The following PCDH15 variants were observed in gnomAD, a reference collection of about 807,000 sequenced individuals.
PCDH15 encodes protocadherin-15.
In PCDH15, 129 loss-of-function variants were observed where a neutral mutation model predicts 178.5. The observed-to-expected ratio is 0.72, with a 90% CI of 0.63 to 0.84. The LOEUF (loss-of-function observed/expected upper bound fraction) is 0.84. Ranked by LOEUF, PCDH15 falls within the 40% of genes least tolerant of loss-of-function variation. The pLI is 0.00. For synonymous variants in PCDH15, 800 were observed against 732.0 expected, an observed-to-expected ratio of 1.09 and a Z score of -1.50; for missense variants, 2,230 against 2,099.9, an observed-to-expected ratio of 1.06 and a Z score of -1.21.
rs138570391 is a variant in PCDH15, at chr10:55,276,917, C to G, written c.-156+42682G>C. Among the ~76,000 whole-genome samples, 571 of 152,102 alleles carry G rather than the reference C, an allele frequency of 3.8e-3. 3 individuals are homozygous for G. The highest frequency in any genetic ancestry group is 0.017 in the Middle Eastern group (5 of 294). On this transcript the variant is annotated intron_variant, in intron 1 of 5. Coordinates refer to the PCDH15 transcript ENST00000458638. The stretch of plus-strand genomic sequence containing the variant: ...TCCAATGAACTCAGGGCTCTCAAAG[C>G]AGAGGATAAAGCTTTCCAGGTTTTG...
intron 1 of PCDH15, among the ~76,000 whole-genome samples, chr10:55,260,945 A>G (rs1842133240): frequency 6.6e-6 from 1 of 152,196 alleles, no homozygotes; most frequent in Admixed American, 6.5e-5. Flanking sequence ...TATAATGAAC[A>G]GATTCATGGT....
chr10:54,957,203 A>T (rs1838511813), intron 2 of PCDH15, among the ~76,000 whole-genome samples: 1 of 151,642 alleles, frequency 6.6e-6, no homozygotes, highest in Admixed American at 6.6e-5. Context: ...AAACTAAAGT[A>T]TATGAATTGT....
At chr10:53,824,541 G>GAGAA (rs1456505816) in intron 32 of PCDH15, among the ~76,000 whole-genome samples, 3 of 152,118 alleles carry the variant, frequency 2.0e-5, no homozygotes, top group African/African-American at 7.2e-5. Context: ...CTATAAGAAA[G>GAGAA]AGAAAGAAAC....
chr10:55,332,656 C>T (rs532719123), intron 2 of PCDH15, among the ~76,000 whole-genome samples: 1 of 152,084 alleles, frequency 6.6e-6, no homozygotes. Context: ...GTGAAAGGGA[C>T]CCAGTGGGAG....
chr10:54,279,448 A>G (rs1687538646), intron 8 of PCDH15, among the ~76,000 whole-genome samples: 1 of 151,624 alleles, frequency 6.6e-6, no homozygotes, highest in African/African-American at 2.4e-5. Flanking sequence ...GAAACTCACA[A>G]CTTCAAAAAA....
At chr10:55,275,101 C>T (rs1483180801) in intron 1 of PCDH15, among the ~76,000 whole-genome samples, 1 of 152,004 alleles carries the variant, frequency 6.6e-6, no homozygotes, top group East Asian at 1.9e-4. Context: ...TGATCTTTCA[C>T]CATTCTAACA....
At chr10:53,836,193 G>A (rs1228391696) in intron 29 of PCDH15, among the ~76,000 whole-genome samples, 2 of 152,098 alleles carry the variant, frequency 1.3e-5, no homozygotes, top group Non-Finnish European at 2.9e-5. Context: ...TTGAGAAGGG[G>A]CAGAAAATTC....
At chr10:54,936,088 G>T (rs559910943) in intron 2 of PCDH15, among the ~76,000 whole-genome samples, 2 of 151,948 alleles carry the variant, frequency 1.3e-5, no homozygotes, top group East Asian at 3.9e-4. Context: ...ATTGACTTTG[G>T]GTCTCTATAG....
intron 1 of PCDH15, among the ~76,000 whole-genome samples, chr10:54,779,515 TATATATATATACACACAC>T (rs1454263851): frequency 7.1e-6 from 1 of 141,124 alleles, no homozygotes; most frequent in Non-Finnish European, 1.5e-5. Context: ...TATATGTGTG[TATATATATATACACACAC>T]ATATATATAG....
chr10:55,337,093 A>G (rs1435343014), intron 2 of PCDH15, among the ~76,000 whole-genome samples: 1 of 152,202 alleles, frequency 6.6e-6, no homozygotes, highest in Non-Finnish European at 1.5e-5. Context: ...CAGAAAGTAT[A>G]AGGAGTTTTA....
At chr10:55,448,479 T>C (rs1839365224) in intron 2 of PCDH15, among the ~76,000 whole-genome samples, 1 of 151,990 alleles carries the variant, frequency 6.6e-6, no homozygotes, top group African/African-American at 2.4e-5. Flanking sequence ...TATAAAAATA[T>C]GGGGCCCGTG....
chr10:54,845,795 G>A (rs1052115259), intron 3 of PCDH15, among the ~76,000 whole-genome samples: 3 of 152,038 alleles, frequency 2.0e-5, no homozygotes, highest in Non-Finnish European at 4.4e-5. Context: ...ATGTAAAGAT[G>A]TTCACTGTCT....
At chr10:55,200,093 T>A (rs1368921288) in intron 1 of PCDH15, among the ~76,000 whole-genome samples, 1 of 152,028 alleles carries the variant, frequency 6.6e-6, no homozygotes, top group Non-Finnish European at 1.5e-5. Context: ...AGGGCTACCA[T>A]CCTCTAGACT....
intron 3 of PCDH15, among the ~76,000 whole-genome samples, chr10:54,381,618 C>T (rs1279845202): frequency 1.3e-5 from 2 of 152,026 alleles, no homozygotes; most frequent in Non-Finnish European, 2.9e-5. Flanking sequence ...CTGGATGGCT[C>T]TATTAATGTC....
chr10:54,756,263 AG>A (rs1177595641), intron 1 of PCDH15, among the ~76,000 whole-genome samples: 2 of 152,088 alleles, frequency 1.3e-5, no homozygotes, highest in Non-Finnish European at 2.9e-5. Context: ...AAAATAAAAA[AG>A]TAAAAAATAA....
chr10:54,735,983 A>T (rs1282313142), intron 1 of PCDH15, among the ~76,000 whole-genome samples: 3 of 149,932 alleles, frequency 2.0e-5, no homozygotes, highest in Admixed American at 1.3e-4. Flanking sequence ...AACCTGCACA[A>T]TGTGCACATG....
intron 3 of PCDH15, among the ~76,000 whole-genome samples, chr10:54,858,586 T>A (rs1251959521): frequency 6.6e-6 from 1 of 152,062 alleles, no homozygotes; most frequent in Non-Finnish European, 1.5e-5. Context: ...TGGGAGTGCT[T>A]CTTTGTTAGT....
At chr10:53,925,678 T>G (rs2084475135) in intron 25 of PCDH15, among the ~76,000 whole-genome samples, 1 of 152,222 alleles carries the variant, frequency 6.6e-6, no homozygotes, top group South Asian at 2.1e-4. Context: ...TTGTTTGCCT[T>G]TATTTCCATA....
At chr10:53,953,237 G>C (rs775351139) in intron 23 of PCDH15, among the ~76,000 whole-genome samples, 4 of 152,226 alleles carry the variant, frequency 2.6e-5, no homozygotes, top group Non-Finnish European at 5.9e-5. Flanking sequence ...AAAGTTTTAA[G>C]AAGAACTCAT....
Sources: gnomAD v4.1 joint callset for allele counts (sites outside exome capture counted in the v4.1 genomes callset) on GRCh38, gnomAD v4.1.1 for gene constraint, MANE v1.5 for transcripts, NCBI Gene and HGNC (gene_info 2026-07-23, HGNC 2026-07-21) for gene names.